The following AXDND1 variants were observed in gnomAD, a reference collection of about 807,000 sequenced individuals.
The protein encoded by AXDND1 is axonemal dynein light chain domain-containing protein 1.
In AXDND1, 110 loss-of-function variants were observed where a neutral mutation model predicts 137.5. The observed-to-expected ratio is 0.80, with a 90% CI of 0.69 to 0.94. The LOEUF is 0.94. Among genes scored for constraint, AXDND1 ranks in the 40% least tolerant of loss-of-function variants. The pLI is 0.00. For missense variants in AXDND1, 1,191 were observed against 1,169.8 expected, an observed-to-expected ratio of 1.02 and a Z score of -0.26; for synonymous variants, 414 against 399.7, an observed-to-expected ratio of 1.04 and a Z score of -0.43.
At chr1:179,478,552 AC>A (rs1664915316) in intron 17 of AXDND1, among the ~76,000 whole-genome samples, 1 of 152,034 alleles carries the variant, frequency 6.6e-6, no homozygotes, top group Non-Finnish European at 1.5e-5. Context: ...CAGCAGAGGG[AC>A]CCTGGGCCTG....
chr1:179,489,958 A>G (rs1472513238), intron 18 of AXDND1, among the ~76,000 whole-genome samples: 1 of 152,006 alleles, frequency 6.6e-6, no homozygotes, highest in East Asian at 1.9e-4. Flanking sequence ...GTTAGGCAGG[A>G]TGGTCTCGAT....
chr1:179,550,626 G>T (rs773220165), intron 25 of AXDND1: 1 of 155,834 alleles, frequency 6.4e-6, no homozygotes, highest in African/African-American at 2.4e-5. Context: ...AAACATTTAA[G>T]TGTCACTTTA....
At chr1:179,531,924 A>G (rs1572188302) in intron 23 of AXDND1, among the ~76,000 whole-genome samples, 1 of 152,244 alleles carries the variant, frequency 6.6e-6, no homozygotes, top group Non-Finnish European at 1.5e-5. Context: ...TGTCTCTGTC[A>G]TATAGTGAGT....
rs961401753 is a variant in AXDND1, at chr1:179,395,201, A to T, written c.1108A>T (p.Lys370Ter). ...TCTTTTAAATGCGGAAAAGAATGCC[A>T]AGTGAGTTGCTTAAAGTTTGTTTAG... Reference protein sequence around the residue: ...QALLNAEKNAKIVEEYHDLYT... With the variant: ...QALLNAEKNA The change falls in exon 11 of 26, where the codon AAA becomes TAA. Residue 370 changes from lysine (K) to a stop codon, truncating the protein, a stop_gained and splice_region_variant. Coordinates refer to ENST00000367618, the MANE Select transcript of AXDND1 (RefSeq NM_144696.6). LOFTEE classifies it high-confidence loss of function. 7 of 1,611,028 alleles carry T rather than the reference A, an allele frequency of 4.3e-6. No individual in the cohort carries two copies. The highest frequency in any genetic ancestry group is 5.9e-6 in the Non-Finnish European group (7 of 1,178,978).
At chr1:179,536,180 T>C (rs1367681116) in intron 25 of AXDND1, among the ~76,000 whole-genome samples, 7 of 152,104 alleles carry the variant, frequency 4.6e-5, no homozygotes, top group Non-Finnish European at 1.0e-4. Flanking sequence ...AGTCTGCTGA[T>C]AGTTTCTTTT....
chr1:179,526,874 T>A (rs1670578859), intron 22 of AXDND1, among the ~76,000 whole-genome samples: 1 of 152,144 alleles, frequency 6.6e-6, no homozygotes, highest in South Asian at 2.1e-4. Context: ...ACACTCTTAG[T>A]CACAAGATGT....
At chr1:179,425,065 C>T (rs1240805151) in intron 12 of AXDND1, among the ~76,000 whole-genome samples, 1 of 152,140 alleles carries the variant, frequency 6.6e-6, no homozygotes, top group Non-Finnish European at 1.5e-5. Context: ...TTGGGGAGAT[C>T]ATGGTTCCCT....
At chr1:179,448,212 C>T (rs6425558) in intron 16 of AXDND1, 652,251 of 817,736 alleles carry the variant, frequency 0.8, 261,406 homozygotes, top group Admixed American at 0.87. Context: ...AATATCTGAG[C>T]TGGTTGTGCT....
At position 179,486,828 on chromosome 1, in the gene AXDND1, G is replaced by A. The variant is rs929459891; in HGVS notation, c.2091+3607G>A. 6.1e-5 allele frequency among the ~76,000 whole-genome samples: 9 copies of A among 148,746 alleles called. 1 individual carries two copies. Among genetic ancestry groups the A allele is most frequent in the African/African-American group, 2.3e-4 (9 of 39,100 alleles). On this transcript the variant is annotated intron_variant, in intron 18 of 25. Coordinates refer to ENST00000367618, the MANE Select transcript of AXDND1 (RefSeq NM_144696.6). ...TGCCTTACAGGAGGTCCTGAAGAGA[G>A]TGCTAAATATGGAAAAGAAAGACCA...
chr1:179,428,680 G>A (rs941092671), intron 12 of AXDND1, among the ~76,000 whole-genome samples: 3 of 152,176 alleles, frequency 2.0e-5, no homozygotes, highest in East Asian at 1.9e-4. Flanking sequence ...GCTACATGAC[G>A]TGATATATTC....
At chr1:179,423,742 C>T (rs959814821) in intron 12 of AXDND1, among the ~76,000 whole-genome samples, 3 of 152,094 alleles carry the variant, frequency 2.0e-5, no homozygotes, top group African/African-American at 7.2e-5. Flanking sequence ...TAACTCTATT[C>T]TCCTCAACAT....
chr1:179,413,791 C>G (rs953481837), intron 12 of AXDND1, among the ~76,000 whole-genome samples: 1 of 152,098 alleles, frequency 6.6e-6, no homozygotes, highest in Admixed American at 6.5e-5. Context: ...AATGGTAGTT[C>G]CATTTTTAGT....
chr1:179,383,312 T>C (rs1648680729), intron 7 of AXDND1, 130 bp from the exon 8 acceptor site: 1 of 674,746 alleles, frequency 1.5e-6, no homozygotes, highest in Admixed American at 2.6e-5. Flanking sequence ...GACACAGGTC[T>C]AATGCTTAAA....
rs71111986 is a variant in AXDND1 at position 179,400,600 on chromosome 1, T to TAAA, written c.1109+5409_1109+5411dup. On this transcript the variant is annotated intron_variant, in intron 11 of 25. Transcript: ENST00000367618. ...TAAAATTTAAAAATTAGGGAAGAAA[T>TAAA]AAAAAAAAAAAAAGAGAAGATGGCC... Among the ~76,000 whole-genome samples the TAAA allele has an allele frequency of 3.8e-3, 532 of 138,298 alleles. 1 individual carries two copies. The highest frequency in any genetic ancestry group is 9.1e-3 in the African/African-American group (331 of 36,574). 90.7% of individuals were successfully genotyped at this position (138,298 alleles called of 152,430 possible). A position where few individuals can be genotyped will look rare whatever the true frequency, so the allele number is the denominator to read the frequency against.
chr1:179,481,187 A>T (rs61826053), intron 17 of AXDND1, among the ~76,000 whole-genome samples: 5 of 151,828 alleles, frequency 3.3e-5, no homozygotes, highest in Non-Finnish European at 5.9e-5. Context: ...CCTGTGTCCA[A>T]GTGTTCTCAT....
At chr1:179,438,210 G>A (rs1658508364) in intron 15 of AXDND1, among the ~76,000 whole-genome samples, 1 of 140,408 alleles carries the variant, frequency 7.1e-6, no homozygotes, top group African/African-American at 2.6e-5. Flanking sequence ...GGTGATGTTG[G>A]ATGTGAAAGC....
chr1:179,496,463 C>G (rs1040905204), intron 20 of AXDND1, among the ~76,000 whole-genome samples: 1 of 151,940 alleles, frequency 6.6e-6, no homozygotes, highest in Non-Finnish European at 1.5e-5. Flanking sequence ...AAGGAATTTG[C>G]GATTTCATCT....
intron 4 of AXDND1, among the ~76,000 whole-genome samples, chr1:179,373,291 G>A (rs1230119998): frequency 1.3e-5 from 2 of 152,110 alleles, no homozygotes; most frequent in African/African-American, 2.4e-5. Flanking sequence ...ACCTCTTCAA[G>A]GAGAACTACA....
intron 8 of AXDND1, 51 bp downstream of exon 8, chr1:179,383,595 G>T: frequency 1.4e-6 from 2 of 1,394,606 alleles, no homozygotes; most frequent in South Asian, 1.2e-5. Context: ...GCACTCAGGA[G>T]GCAGATTGCC....
Sources: allele counts gnomAD v4.1 joint callset (sites outside exome capture counted in the v4.1 genomes callset), GRCh38; gene constraint gnomAD v4.1.1; transcripts MANE v1.5; gene names NCBI Gene and HGNC (gene_info 2026-07-23, HGNC 2026-07-21).